Variants in PLCE1 observed in about 807,000 individuals in gnomAD.
The protein encoded by PLCE1 is 1-phosphatidylinositol 4,5-bisphosphate phosphodiesterase epsilon-1.
PLCE1 carries 119 observed loss-of-function variants against 242.8 expected under a neutral mutation model. The ratio of observed to expected loss-of-function variants is 0.49; its 90% CI spans 0.42 to 0.57. The LOEUF (loss-of-function observed/expected upper bound fraction) is 0.57, where lower values mean the gene tolerates loss of function less well. Ranked by LOEUF, PLCE1 falls within the 20% of genes least tolerant of loss-of-function variation. The pLI is 0.00. For missense variants in PLCE1, 2,441 were observed against 2,788.8 expected (o/e 0.88, Z 2.81); for synonymous variants, 945 against 1,017.4 (o/e 0.93, Z 1.35).
At chr10:94,294,199 T>G (rs2052732283) in intron 23 of PLCE1, among the ~76,000 whole-genome samples, 1 of 152,208 alleles carries the variant, frequency 6.6e-6, no homozygotes, top group Admixed American at 6.5e-5. Context: ...AGAGGCACCT[T>G]GGAACATTCT....
Position 94,322,061 on chromosome 10 carries a change from T to C in PLCE1, c.6501+2T>C, listed in dbSNP as rs2053827814. The C allele has an allele frequency of 1.2e-6, 2 of 1,613,776 alleles. No homozygotes were observed. Among genetic ancestry groups the C allele is most frequent in the Admixed American group, 1.7e-5 (1 of 59,978 alleles). On this transcript the variant is annotated splice_donor_variant, in intron 30 of 32. Transcript: ENST00000371380. LOFTEE classifies it high-confidence loss of function. Reference sequence around the variant, plus strand: ...ACTGCACAGGATGTCATTCAGCAGGTAAAAGCCTCTCCCTTCCTCACCTGA... The same window carrying C: ...ACTGCACAGGATGTCATTCAGCAGGCAAAAGCCTCTCCCTTCCTCACCTGA...
chr10:94,308,664 G>A lies in PLCE1; in HGVS notation c.5968G>A (p.Glu1990Lys), dbSNP rs868319587. 1.2e-6 allele frequency: 2 copies of A among 1,611,376 alleles called. No homozygotes were observed. Among genetic ancestry groups the A allele is most frequent in the African/African-American group, 2.7e-5 (2 of 74,896 alleles). The change falls in exon 27 of 33, where the codon GAA becomes AAA. Residue 1990 changes from glutamate (E) to lysine (K), a missense_variant. Coordinates refer to ENST00000371380, the MANE Select transcript of PLCE1 (RefSeq NM_016341.4). Reference protein sequence around the residue: ...SLFINSRRMEENSSGNTMSAS... With the variant: ...SLFINSRRMEKNSSGNTMSAS... Reference sequence around the variant, plus strand: ...ATTCATTAACAGCAGAAGGATGGAAGAAAATTCCTCTGGCAATACCATGTC... The same window carrying A: ...ATTCATTAACAGCAGAAGGATGGAAAAAAATTCCTCTGGCAATACCATGTC...
At chr10:94,312,949 TA>T (rs2053433761) in intron 27 of PLCE1, among the ~76,000 whole-genome samples, 1 of 148,856 alleles carries the variant, frequency 6.7e-6, no homozygotes, top group African/African-American at 2.5e-5. Context: ...TGGAACTCAA[TA>T]GATACTATGG....
At chr10:94,171,645 A>G (rs550009651) in intron 4 of PLCE1, 149 bp downstream of exon 4, 1 of 725,888 alleles carries the variant, frequency 1.4e-6, no homozygotes, top group South Asian at 1.6e-5. Context: ...TTCCAGGCAA[A>G]GAGACAGACA....
At chr10:94,010,430 C>G (rs2061147150) in intron 1 of PLCE1, among the ~76,000 whole-genome samples, 1 of 152,202 alleles carries the variant, frequency 6.6e-6, no homozygotes, top group Non-Finnish European at 1.5e-5. Context: ...GTACTTGGCT[C>G]TCTTTTAGTC....
At chr10:94,293,730 T>A (rs1354027047) in intron 23 of PLCE1, 91 bp downstream of exon 23, 16 of 1,425,534 alleles carry the variant, frequency 1.1e-5, no homozygotes, top group Non-Finnish European at 1.4e-5. Context: ...TTGAATTTTT[T>A]AATTCTTTTT....
chr10:94,310,248 A>G (rs2053344268), intron 27 of PLCE1, among the ~76,000 whole-genome samples: 1 of 152,088 alleles, frequency 6.6e-6, no homozygotes, highest in Non-Finnish European at 1.5e-5. Flanking sequence ...TTCCACTGCC[A>G]CTTTCTGCTT....
intron 2 of PLCE1, among the ~76,000 whole-genome samples, chr10:94,056,885 A>C (rs550510376): frequency 7.3e-6 from 1 of 136,570 alleles, no homozygotes; most frequent in Non-Finnish European, 1.5e-5. Context: ...TGGACATTTC[A>C]TATATGGAAT....
chr10:94,227,938 A>G (rs1043194023), intron 5 of PLCE1, among the ~76,000 whole-genome samples: 4 of 152,258 alleles, frequency 2.6e-5, no homozygotes, highest in Admixed American at 2.0e-4. Flanking sequence ...AGTATGAGCT[A>G]TGCACATTCC....
chr10:94,218,819 T>C (rs1170093236), intron 4 of PLCE1, among the ~76,000 whole-genome samples: 1 of 150,804 alleles, frequency 6.6e-6, no homozygotes, highest in East Asian at 1.9e-4. Flanking sequence ...GATGACAGCA[T>C]ATAAATGGTA....
intron 2 of PLCE1, chr10:94,081,899 G>T (rs974752096): frequency 1.3e-5 from 2 of 152,214 alleles, no homozygotes; most frequent in Non-Finnish European, 2.9e-5. Flanking sequence ...GCCTGCTTGT[G>T]CAGGCATGAA....
chr10:94,135,869 G>A (rs747383198), intron 3 of PLCE1, among the ~76,000 whole-genome samples: 1 of 152,186 alleles, frequency 6.6e-6, no homozygotes, highest in Admixed American at 6.5e-5. Flanking sequence ...GTTGGCAGCT[G>A]TAGCTTTTTG....
At chr10:94,092,350 T>C (rs1025327820) in intron 2 of PLCE1, among the ~76,000 whole-genome samples, 5 of 152,204 alleles carry the variant, frequency 3.3e-5, no homozygotes, top group Non-Finnish European at 7.4e-5. Flanking sequence ...ACACTTTCTT[T>C]GTGGCAGGTA....
intron 19 of PLCE1, among the ~76,000 whole-genome samples, chr10:94,274,651 G>A (rs374202706): frequency 6.6e-6 from 1 of 152,074 alleles, no homozygotes; most frequent in African/African-American, 2.4e-5. Context: ...TGTGCACGCC[G>A]TGTCAAAGAA....
intron 1 of PLCE1, among the ~76,000 whole-genome samples, chr10:94,016,693 T>C (rs2134325372): frequency 6.6e-6 from 1 of 152,334 alleles, no homozygotes; most frequent in South Asian, 2.1e-4. Context: ...GAGGAAGTTA[T>C]AACAAAATTA....
At chr10:94,208,251 C>T (rs1241390125) in intron 4 of PLCE1, among the ~76,000 whole-genome samples, 1 of 152,242 alleles carries the variant, frequency 6.6e-6, no homozygotes, top group Non-Finnish European at 1.5e-5. Flanking sequence ...CCTGTACCCT[C>T]TGCGGTGATG....
intron 4 of PLCE1, among the ~76,000 whole-genome samples, chr10:94,213,712 G>A (rs1157341430): frequency 1.3e-5 from 2 of 152,166 alleles, no homozygotes; most frequent in Non-Finnish European, 2.9e-5. Context: ...GTCCCTCTCT[G>A]CTAAACAGTG....
chr10:94,308,439 G>T, intron 26 of PLCE1, 142 bp from the exon 27 acceptor site: 1 of 764,578 alleles, frequency 1.3e-6, no homozygotes. Context: ...CTCTCTTGGC[G>T]AAAAGACGCC....
chr10:94,278,495 TTAC>T (rs1388824268), intron 19 of PLCE1, among the ~76,000 whole-genome samples: 10 of 152,248 alleles, frequency 6.6e-5, no homozygotes. Context: ...GTTAATTAAC[TTAC>T]TACTATGTTT....
Sources: gnomAD v4.1 joint callset for allele counts (sites outside exome capture counted in the v4.1 genomes callset) on GRCh38, gnomAD v4.1.1 for gene constraint, MANE v1.5 for transcripts, NCBI Gene and HGNC (gene_info 2026-07-23, HGNC 2026-07-21) for gene names.